PRR32: variants seen among roughly 807,000 people sequenced by gnomAD.
PRR32 encodes proline rich 32.
A neutral mutation model predicts 1.3 loss-of-function variants in PRR32; 2 were observed. The ratio of observed to expected loss-of-function variants is 1.49; its 90% CI spans 0.61 to 4.68. The LOEUF (loss-of-function observed/expected upper bound fraction) is 4.68, where lower values mean the gene tolerates loss of function less well. Among genes scored for constraint, PRR32 ranks in the 30% most tolerant of loss-of-function variants. The pLI is 0.06. For missense variants in PRR32, 241 were observed against 232.5 expected, an observed-to-expected ratio of 1.04 and a Z score of -0.24; for synonymous variants, 107 against 88.7, an observed-to-expected ratio of 1.21 and a Z score of -1.16.
rs201843491 is a variant in PRR32, at chrX:126,820,955, C to G, written c.317C>G (p.Thr106Arg). ...PPAVAEESLA[T>R]AEVNSSDALA... is the part of the protein sequence containing the mutation. ...GCTGTTGCAGAAGAGTCCCTAGCAA[C>G]AGCAGAAGTAAACAGCTCTGATGCA... The change falls in exon 2 of 2, where the codon ACA (threonine) becomes AGA (arginine). Residue 106 changes from threonine (T) to arginine (R), a missense_variant. Physicochemically the swap from Thr to Arg is moderately conservative, Grantham distance 71. Coordinates refer to ENST00000371125, the MANE Select transcript of PRR32 (RefSeq NM_001122716.2). 7.4e-4 allele frequency: 866 copies of G among 1,165,321 alleles called. 6 individuals carry two copies. In the South Asian group the frequency reaches 0.01, roughly 14 times the overall value.
In PRR32 at chrX:126,821,718, T is replaced by C; in HGVS notation, c.*183T>C. The stretch of plus-strand genomic sequence containing the variant: ...GTGCCCTATTTGAAACCTTGTACCC[T>C]ACCACACTCTGTTTAGCACAAATGT... On this transcript the variant is annotated 3_prime_UTR_variant, in exon 2 of 2. Transcript: ENST00000371125. 7.7e-6 allele frequency: 4 copies of C among 519,558 alleles called. No individual in the cohort carries two copies. The highest frequency in any genetic ancestry group is 1.2e-5 in the Non-Finnish European group (4 of 328,728). The allele number at this position is 519,558 out of a possible 1,213,427, so 42.8% of individuals were successfully genotyped here. A position where few individuals can be genotyped will look rare whatever the true frequency, so the allele number is the denominator to read the frequency against.
chrX:126,821,458 C>T lies in PRR32; in HGVS notation c.820C>T (p.Pro274Ser), dbSNP rs753488047. 1.7e-6 allele frequency: 2 copies of T among 1,168,209 alleles called. No homozygotes were observed. Among genetic ancestry groups the T allele is most frequent in the Non-Finnish European group, 2.3e-6 (2 of 873,164 alleles). ...TGCTCCTCCTCCGATATTTGGTCCT[C>T]CACTGCCTTCTTATTTTGCCCATTT... ...PFAPPPIFGP[P>S]LPSYFAHFHS... The change falls in exon 2 of 2, where the codon CCA becomes TCA. Residue 274 changes from proline (P) to serine (S), a missense_variant. Pro to Ser is a moderately conservative substitution (Grantham distance 74). Transcript: ENST00000371125.
chrX:126,819,818 G>A lies in PRR32; in HGVS notation c.-26G>A, dbSNP rs1289565835. ...CAGTGGGTTATCTCCACCACCTCAG[G>A]AAAGCTATTCTGATCAAATTTCTTC... On this transcript the variant is annotated 5_prime_UTR_variant, in exon 1 of 2. Transcript: ENST00000371125. 1.7e-6 allele frequency: 2 copies of A among 1,160,688 alleles called. No individual in the cohort carries two copies.
intron 1 of PRR32, 22 bp downstream of exon 1, chrX:126,819,885 A>G: frequency 8.6e-7 from 1 of 1,159,494 alleles, no homozygotes; most frequent in East Asian, 3.3e-5. Flanking sequence ...ACCGAGTACA[A>G]CTGTTTAATT....
Position 126,821,579 on chromosome X carries a change from A to G in PRR32, c.*44A>G. 8.8e-7 allele frequency: 1 copy of G among 1,139,988 alleles called. No homozygotes were observed. Among genetic ancestry groups the G allele is most frequent in the South Asian group, 2.0e-5 (1 of 50,223 alleles). The allele number at this position is 1,139,988 out of a possible 1,213,427, so 93.9% of individuals were successfully genotyped here. Reference sequence around the variant, plus strand: ...AAAAAAGGGTTGTGGAAAGAGGTGAAAGTTATTCATTTATGCTTTTATATT... The same window carrying G: ...AAAAAAGGGTTGTGGAAAGAGGTGAGAGTTATTCATTTATGCTTTTATATT... On this transcript the variant is annotated 3_prime_UTR_variant, in exon 2 of 2. Coordinates refer to ENST00000371125, the MANE Select transcript of PRR32 (RefSeq NM_001122716.2).
chrX:126,820,556 T>A, intron 1 of PRR32, 103 bp from the exon 2 acceptor site: 1 of 1,002,968 alleles, frequency 1.0e-6, no homozygotes, highest in South Asian at 2.4e-5. Flanking sequence ...CACTCCTTTT[T>A]TCCCTGGTAT....
Position 126,821,325 on chromosome X carries a change from C to T in PRR32, c.687C>T (p.Ile229=). 8.6e-7 allele frequency: 1 copy of T among 1,168,538 alleles called. No individual in the cohort carries two copies. The highest frequency in any genetic ancestry group is 1.9e-5 in the South Asian group (1 of 52,759). ...CHPMHNWPRP[I]PLSSSTPGLP... is the part of the protein sequence containing the mutation. ...CCATGCATAATTGGCCAAGGCCTAT[C>T]CCGTTGTCTTCCAGTACTCCAGGTT... The change falls in exon 2 of 2, where the codon ATC becomes ATT. Residue 229 remains isoleucine (I), a synonymous_variant. Coordinates refer to ENST00000371125, the MANE Select transcript of PRR32 (RefSeq NM_001122716.2).
Position 126,821,633 on chromosome X carries a change from T to A in PRR32, c.*98T>A. ...AACCTTGTACCCTCCCACACTCTGTTTAGCACTAATGTGCCCTACTTGAAA... is the reference window on the plus strand; with the variant it reads ...AACCTTGTACCCTCCCACACTCTGTATAGCACTAATGTGCCCTACTTGAAA... On this transcript the variant is annotated 3_prime_UTR_variant, in exon 2 of 2. Transcript: ENST00000371125. The A allele has an allele frequency of 1.9e-6, 2 of 1,043,357 alleles. No individual in the cohort carries two copies. The highest frequency in any genetic ancestry group is 2.5e-6 in the Non-Finnish European group (2 of 790,955). The allele number at this position is 1,043,357 out of a possible 1,213,427, so 86.0% of individuals were successfully genotyped here.
rs1300109486 is a variant in PRR32 at position 126,821,660 on chromosome X, C to G, written c.*125C>G. 1 of 891,634 alleles carries G rather than the reference C, an allele frequency of 1.1e-6. No individual in the cohort carries two copies. Among genetic ancestry groups the G allele is most frequent in the African/African-American group, 2.1e-5 (1 of 48,024 alleles). The allele number at this position is 891,634 out of a possible 1,213,427, so 73.5% of individuals were successfully genotyped here. A position where few individuals can be genotyped will look rare whatever the true frequency, so the allele number is the denominator to read the frequency against. On this transcript the variant is annotated 3_prime_UTR_variant, in exon 2 of 2. Transcript: ENST00000371125. Reference sequence around the variant, plus strand: ...AGCACTAATGTGCCCTACTTGAAACCACGTACCCTCCCACACTCTGTTTAG... The same window carrying G: ...AGCACTAATGTGCCCTACTTGAAACGACGTACCCTCCCACACTCTGTTTAG...
chrX:126,821,740 A>G lies in PRR32; in HGVS notation c.*205A>G. On this transcript the variant is annotated 3_prime_UTR_variant, in exon 2 of 2. Transcript: ENST00000371125. ...CCCTACCACACTCTGTTTAGCACAAATGTGCCCTACATACTGGAGATTAAA... is the reference window on the plus strand; with the variant it reads ...CCCTACCACACTCTGTTTAGCACAAGTGTGCCCTACATACTGGAGATTAAA... The G allele has an allele frequency of 2.2e-6, 1 of 448,816 alleles. No individual in the cohort carries two copies. The allele number at this position is 448,816 out of a possible 1,213,427, so 37.0% of individuals were successfully genotyped here. A position where few individuals can be genotyped will look rare whatever the true frequency, so the allele number is the denominator to read the frequency against.
chrX:126,820,767 T>C lies in PRR32; in HGVS notation c.129T>C (p.Asp43=). The C allele has an allele frequency of 8.6e-7, 1 of 1,167,855 alleles. No individual in the cohort carries two copies. Among genetic ancestry groups the C allele is most frequent in the Non-Finnish European group, 1.1e-6 (1 of 873,006 alleles). ...AATGTCTGAGTTCCAAGCCAGAGGA[T>C]GACGCAGAGCCCTGGGGTCAACCTC... is the stretch of plus-strand genomic sequence containing the variant. ...PLQCLSSKPE[D]DAEPWGQPQV... The change falls in exon 2 of 2, where the codon GAT becomes GAC. Residue 43 remains aspartate (D), a synonymous_variant. Coordinates refer to ENST00000371125, the MANE Select transcript of PRR32 (RefSeq NM_001122716.2).
rs756047057 is a variant in PRR32 at position 126,819,771 on chromosome X, C to T, written c.-73C>T. On this transcript the variant is annotated 5_prime_UTR_variant, in exon 1 of 2. Coordinates refer to ENST00000371125, the MANE Select transcript of PRR32 (RefSeq NM_001122716.2). ...TCTAAAGCAGAAGCAGGAGTCATTT[C>T]TCCAGACCTAGCTGGCCTGTTCAGT... 2 of 1,023,081 alleles carry T rather than the reference C, an allele frequency of 2.0e-6. No individual in the cohort carries two copies. Among genetic ancestry groups the T allele is most frequent in the East Asian group, 3.5e-5 (1 of 28,671 alleles). The allele number at this position is 1,023,081 out of a possible 1,213,427, so 84.3% of individuals were successfully genotyped here. A position where few individuals can be genotyped will look rare whatever the true frequency, so the allele number is the denominator to read the frequency against.
chrX:126,820,574 T>G, intron 1 of PRR32, 85 bp from the exon 2 acceptor site: 1 of 1,053,175 alleles, frequency 9.5e-7, no homozygotes, highest in Non-Finnish European at 1.3e-6. Flanking sequence ...TATATTTCAG[T>G]GAGCTCAGTC....
chrX:126,820,527 C>T lies in PRR32; in HGVS notation c.21-132C>T, dbSNP rs1247538657. ...GCCAGAGCGCTGAGCAAGTATTTGG[C>T]TACATATAGGGGAGAGGGCACTCCT... On this transcript the variant is annotated intron_variant, in intron 1 of 1. Coordinates refer to ENST00000371125, the MANE Select transcript of PRR32 (RefSeq NM_001122716.2). 1.5e-5 allele frequency: 12 copies of T among 816,339 alleles called. No individual in the cohort carries two copies. In the Admixed American group the frequency reaches 4.3e-4, roughly 29 times the overall value. The allele number at this position is 816,339 out of a possible 1,213,427, so 67.3% of individuals were successfully genotyped here.
Position 126,821,636 on chromosome X carries a change from G to T in PRR32, c.*101G>T. On this transcript the variant is annotated 3_prime_UTR_variant, in exon 2 of 2. Transcript: ENST00000371125. Reference sequence around the variant, plus strand: ...CTTGTACCCTCCCACACTCTGTTTAGCACTAATGTGCCCTACTTGAAACCA... The same window carrying T: ...CTTGTACCCTCCCACACTCTGTTTATCACTAATGTGCCCTACTTGAAACCA... 9.8e-7 allele frequency: 1 copy of T among 1,021,752 alleles called. No individual in the cohort carries two copies. The allele number at this position is 1,021,752 out of a possible 1,213,427, so 84.2% of individuals were successfully genotyped here.
At chrX:126,819,952 G>A in intron 1 of PRR32, 89 bp downstream of exon 1, 1 of 870,056 alleles carries the variant, frequency 1.1e-6, no homozygotes, top group Non-Finnish European at 1.6e-6. Context: ...GGGATGAATG[G>A]GTTGGAGGAG....
rs939471529 is a variant in PRR32, at chrX:126,820,787, A to G, written c.149A>G (p.Gln50Arg). Residue 50 changes from glutamine to arginine, a missense_variant, in exon 2 of 2, where the codon CAA becomes CGA. By Grantham distance (43) the Gln-to-Arg change is conservative (BLOSUM62 1). Transcript: ENST00000371125. The stretch of plus-strand genomic sequence containing the variant: ...GAGGATGACGCAGAGCCCTGGGGTC[A>G]ACCTCAAGTACCGCTGAGACCTTCC... ...KPEDDAEPWG[Q>R]PQVPLRPSVN... 8.6e-7 allele frequency: 1 copy of G among 1,166,077 alleles called. No individual in the cohort carries two copies. Among genetic ancestry groups the G allele is most frequent in the African/African-American group, 1.8e-5 (1 of 55,666 alleles).
At position 126,821,031 on chromosome X, in the gene PRR32, A is replaced by G. The variant is rs1246817272; in HGVS notation, c.393A>G (p.Glu131=). The G allele has an allele frequency of 8.6e-7, 1 of 1,163,209 alleles. No individual in the cohort carries two copies. The highest frequency in any genetic ancestry group is 2.6e-5 in the Admixed American group (1 of 38,246). Residue 131 remains glutamate (E), a synonymous_variant, in exon 2 of 2, where the codon GAA becomes GAG. Transcript: ENST00000371125. ...EGQDAINVSW[E]VSGGPPALIV... ...AGGATGCTATTAATGTGTCCTGGGA[A>G]GTCTCTGGCGGCCCTCCTGCACTGA...
rs1043904649 is a variant in PRR32, at chrX:126,821,134, C to A, written c.496C>A (p.Gln166Lys). The A allele has an allele frequency of 1.7e-6, 2 of 1,166,071 alleles. No individual in the cohort carries two copies. Among genetic ancestry groups the A allele is most frequent in the Non-Finnish European group, 2.3e-6 (2 of 872,703 alleles). Residue 166 changes from glutamine (Q) to lysine (K), a missense_variant, in exon 2 of 2, where the codon CAA becomes AAA. Transcript: ENST00000371125. ...NNARLHVALP[Q>K]GKGFFPPRGP... is the part of the protein sequence containing the mutation. ...CGCAAGGTTGCATGTAGCTTTGCCA[C>A]AAGGTAAAGGGTTCTTTCCACCCAG...
Sources: allele counts gnomAD v4.1 joint callset, GRCh38; gene constraint gnomAD v4.1.1; transcripts MANE v1.5; gene names NCBI Gene and HGNC (gene_info 2026-07-23, HGNC 2026-07-21).